SMCHD1: variants seen among roughly 807,000 people sequenced by gnomAD.
SMCHD1 encodes structural maintenance of chromosomes flexible hinge domain containing 1.
SMCHD1 carries 78 observed loss-of-function variants against 254.7 expected under a neutral mutation model. The observed-to-expected ratio is 0.31, with a 90% CI of 0.26 to 0.37. The LOEUF (loss-of-function observed/expected upper bound fraction) is 0.37. Among genes scored for constraint, SMCHD1 ranks in the 10% least tolerant of loss-of-function variants. The pLI is 1.00. For missense variants in SMCHD1, 1,840 were observed against 2,408.1 expected, an observed-to-expected ratio of 0.76 and a Z score of 4.94; for synonymous variants, 766 against 794.9, an observed-to-expected ratio of 0.96 and a Z score of 0.61.
At position 2,748,390 on chromosome 18, in the gene SMCHD1, A is replaced by ATTTT. The variant is rs67175512; in HGVS notation, c.3927+759_3927+762dup. Among the ~76,000 whole-genome samples, 214 of 92,686 alleles carry ATTTT rather than the reference A, an allele frequency of 2.3e-3. 13 individuals carry two copies. Among genetic ancestry groups the ATTTT allele is most frequent in the Middle Eastern group, 6.1e-3 (1 of 164 alleles). 60.8% of individuals were successfully genotyped at this position (92,686 alleles called of 152,430 possible). A position where few individuals can be genotyped will look rare whatever the true frequency, so the allele number is the denominator to read the frequency against. On this transcript the variant is annotated intron_variant, in intron 30 of 47. Transcript: ENST00000320876. Reference sequence around the variant, plus strand: ...TGTGTGTGTGTGTGTGTGTATATAAATTTTTTTTTTTTTTTTTTTGGAGAC... The same window carrying ATTTT: ...TGTGTGTGTGTGTGTGTGTATATAAATTTTTTTTTTTTTTTTTTTTTTTGGAGAC...
chr18:2,718,142 TTTTTC>T lies in SMCHD1; in HGVS notation c.2261-11_2261-7del. Reference sequence around the variant, plus strand: ...AATTTCTCAAGACACTATTGTTTCTTTTTTCTTTTATTAAGCTTCAAGTGGAAATA... The same window carrying T: ...AATTTCTCAAGACACTATTGTTTCTTTTTTATTAAGCTTCAAGTGGAAATA... On this transcript the variant is annotated splice_polypyrimidine_tract_variant and intron_variant, in intron 17 of 47. Coordinates refer to ENST00000320876, the MANE Select transcript of SMCHD1 (RefSeq NM_015295.3). This position sits in a 1 kb window ranked among gnomAD's most constrained non-coding sequence, Gnocchi z 4.6. The T allele has an allele frequency of 6.3e-7, 1 of 1,584,840 alleles. No individual in the cohort carries two copies. Among genetic ancestry groups the T allele is most frequent in the African/African-American group, 1.4e-5 (1 of 73,792 alleles).
At chr18:2,699,759 G>A (rs2074360742) in intron 10 of SMCHD1, among the ~76,000 whole-genome samples, 1 of 152,168 alleles carries the variant, frequency 6.6e-6, no homozygotes, top group Non-Finnish European at 1.5e-5. Context: ...TCAATCAGAG[G>A]GATTCTCCTC....
intron 1 of SMCHD1, among the ~76,000 whole-genome samples, chr18:2,663,860 G>A (rs1007311690): frequency 6.6e-6 from 1 of 151,966 alleles, no homozygotes; most frequent in South Asian, 2.1e-4. Flanking sequence ...GACTACAGGC[G>A]CCTGCCACCA....
intron 23 of SMCHD1, 36 bp downstream of exon 23, chr18:2,728,632 T>G: frequency 6.3e-7 from 1 of 1,594,780 alleles, no homozygotes; most frequent in Non-Finnish European, 8.5e-7. Flanking sequence ...TTGAGTCCCA[T>G]TGTAGTAAGT....
intron 12 of SMCHD1, chr18:2,701,132 A>T (rs568888036): frequency 1.4e-5 from 5 of 366,846 alleles, no homozygotes; most frequent in Middle Eastern, 7.5e-4. Context: ...CTAGGTTTGG[A>T]TAGAATTTAC....
chr18:2,665,785 T>C (rs2073419060), intron 1 of SMCHD1, among the ~76,000 whole-genome samples: 1 of 152,226 alleles, frequency 6.6e-6, no homozygotes, highest in Non-Finnish European at 1.5e-5. Flanking sequence ...TATATGAACA[T>C]GAGTTATGTT....
chr18:2,705,482 G>A (rs1243809088), intron 13 of SMCHD1, among the ~76,000 whole-genome samples: 1 of 152,074 alleles, frequency 6.6e-6, no homozygotes, highest in Non-Finnish European at 1.5e-5. Flanking sequence ...TAAAGAAGCT[G>A]CCATATTTTT....
At chr18:2,763,877 T>A in intron 37 of SMCHD1, 88 bp downstream of exon 37, 1 of 1,210,154 alleles carries the variant, frequency 8.3e-7, no homozygotes, top group Non-Finnish European at 1.2e-6. Flanking sequence ...TTTGTATAGC[T>A]ATGAAGATGT....
Position 2,762,828 on chromosome 18 carries a change from G to T in SMCHD1, c.4566+592G>T, listed in dbSNP as rs374419933. Among the ~76,000 whole-genome samples the T allele has an allele frequency of 7.2e-5, 11 of 152,134 alleles. 1 individual carries two copies. The East Asian group carries it at 1.3e-3, about 19-fold the overall frequency. On this transcript the variant is annotated intron_variant, in intron 36 of 47. Transcript: ENST00000320876. Reference sequence around the variant, plus strand: ...ACATACCTTTACTCACCTGTTTAGTGTATCTATCACGAATGAGTGTGAACT... The same window carrying T: ...ACATACCTTTACTCACCTGTTTAGTTTATCTATCACGAATGAGTGTGAACT...
At chr18:2,784,706 A>C in intron 45 of SMCHD1, 85 bp downstream of exon 45, 1 of 1,369,346 alleles carries the variant, frequency 7.3e-7, no homozygotes, top group Non-Finnish European at 9.9e-7. Flanking sequence ...AGAATCTAAC[A>C]TGAAAAATTA....
intron 45 of SMCHD1, among the ~76,000 whole-genome samples, chr18:2,788,227 A>T (rs1401813418): frequency 6.6e-6 from 1 of 152,244 alleles, no homozygotes; most frequent in Non-Finnish European, 1.5e-5. Context: ...GTTGTCTTGC[A>T]TGATTAGTAT....
intron 26 of SMCHD1, 59 bp downstream of exon 26, chr18:2,738,604 C>T (rs2075294017): frequency 7.2e-7 from 1 of 1,386,434 alleles, no homozygotes; most frequent in Non-Finnish European, 9.6e-7. Flanking sequence ...CTCCATTGCA[C>T]ATATATGAAA....
intron 5 of SMCHD1, among the ~76,000 whole-genome samples, chr18:2,681,931 A>T (rs1186677474): frequency 6.6e-6 from 1 of 152,122 alleles, no homozygotes; most frequent in Admixed American, 6.5e-5. Flanking sequence ...CCCCAACAAG[A>T]TTTTTCCTAA....
chr18:2,668,249 G>A (rs567934029), intron 3 of SMCHD1, among the ~76,000 whole-genome samples: 1 of 152,298 alleles, frequency 6.6e-6, no homozygotes, highest in East Asian at 1.9e-4. Context: ...GACTCTGAAT[G>A]TTCTTGTGAC....
At chr18:2,752,608 A>T (rs1217206753) in intron 34 of SMCHD1, 56 bp downstream of exon 34, 9 of 1,167,266 alleles carry the variant, frequency 7.7e-6, no homozygotes, top group Non-Finnish European at 1.1e-5. Flanking sequence ...AAGTAATTCA[A>T]CCCTGGAGAT....
intron 2 of SMCHD1, 138 bp downstream of exon 2, chr18:2,666,370 G>A (rs932037797): frequency 1.9e-6 from 1 of 537,494 alleles, no homozygotes; most frequent in Admixed American, 3.6e-5. Context: ...GAGGAAACTG[G>A]CTGCATGTGC....
chr18:2,775,840 G>A lies in SMCHD1; in HGVS notation c.5282G>A (p.Arg1761His), dbSNP rs2076057467. Residue 1761 changes from arginine to histidine, a missense_variant, in exon 42 of 48, where the codon CGT becomes CAT. Physicochemically the swap from Arg to His is conservative, Grantham distance 29. Transcript: ENST00000320876. ...GTCACCCTAACCACTGACGCTGCAC[G>A]TCGTATCTATGATGAAACCCAAGGT... ...CVVTLTTDAA[R>H]RIYDETQGRQ... The A allele has an allele frequency of 6.2e-7, 1 of 1,612,238 alleles. No individual in the cohort carries two copies. Among genetic ancestry groups the A allele is most frequent in the Non-Finnish European group, 8.5e-7 (1 of 1,179,444 alleles).
chr18:2,743,820 T>G lies in SMCHD1; in HGVS notation c.3693T>G (p.Asn1231Lys). 6.2e-7 allele frequency: 1 copy of G among 1,613,198 alleles called. No individual in the cohort carries two copies. The highest frequency in any genetic ancestry group is 8.5e-7 in the Non-Finnish European group (1 of 1,179,488). The change falls in exon 29 of 48, where the codon AAT becomes AAG. Residue 1231 changes from asparagine (N) to lysine (K), a missense_variant. By Grantham distance (94) the Asn-to-Lys change is moderately conservative. Transcript: ENST00000320876. Reference protein sequence around the residue: ...GIKFIPGPPGNKDLCFTWREF... With the variant: ...GIKFIPGPPGKKDLCFTWREF... ...AATTTATTCCAGGTCCTCCTGGAAA[T>G]AAGGATCTTTGTTTTACTTGGCGTG...
At chr18:2,772,212 A>G in intron 40 of SMCHD1, 38 bp from the exon 41 acceptor site, 1 of 1,497,104 alleles carries the variant, frequency 6.7e-7, no homozygotes, top group Non-Finnish European at 8.9e-7. Context: ...GTTCAAGAGT[A>G]ATTGGTCTTG....
Sources: allele counts gnomAD v4.1 joint callset (sites outside exome capture counted in the v4.1 genomes callset), GRCh38; gene constraint gnomAD v4.1.1; non-coding constraint Gnocchi (gnomAD v3.1); transcripts MANE v1.5; gene names NCBI Gene and HGNC (gene_info 2026-07-23, HGNC 2026-07-21).